SMYD3: variants seen among roughly 807,000 people sequenced by gnomAD.
The protein encoded by SMYD3 is SET and MYND domain containing 3, also known as histone-lysine N-methyltransferase SMYD3.
Under a neutral mutation model 57.7 loss-of-function variants are expected in SMYD3, and 36 were observed. The observed-to-expected ratio is 0.62, with a 90% CI of 0.48 to 0.82. The LOEUF is 0.82. SMYD3 is among the 40% of genes least tolerant of loss of function. The probability of loss-of-function intolerance (pLI) is 0.00; values close to 1 mark genes in which losing one functional copy is unlikely to be tolerated. For missense variants in SMYD3, 515 were observed against 538.8 expected (o/e 0.96, Z 0.44); for synonymous variants, 211 against 195.0 (o/e 1.08, Z -0.68).
chr1:246,194,426 G>A (rs1375591009), intron 5 of SMYD3, among the ~76,000 whole-genome samples: 1 of 152,072 alleles, frequency 6.6e-6, no homozygotes. Context: ...GTGCCATCAT[G>A]CCCGGCTAAT....
In SMYD3 at chr1:245,764,115, C is replaced by G; in HGVS notation, c.1111G>C (p.Val371Leu). ...AGTTTGCCAACTTTCATCACTTGAA[C>G]CCCTCTGACGGGATGGCTTCCTGGG... ...FFPGSHPVRG[V>L]QVMKVGKLQL... The change falls in exon 11 of 12, where the codon GTT (valine) becomes CTT (leucine). Residue 371 changes from valine to leucine, a missense_variant. Transcript: ENST00000490107. 1.2e-6 allele frequency: 2 copies of G among 1,614,094 alleles called. No homozygotes were observed. Among genetic ancestry groups the G allele is most frequent in the South Asian group, 1.1e-5 (1 of 91,064 alleles).
At chr1:246,083,738 A>T (rs1572996243) in intron 5 of SMYD3, among the ~76,000 whole-genome samples, 1 of 152,074 alleles carries the variant, frequency 6.6e-6, no homozygotes, top group Admixed American at 6.5e-5. Flanking sequence ...TCTCACCTAC[A>T]ATTCAGGTAA....
chr1:246,355,188 C>G lies in SMYD3; in HGVS notation c.165-94G>C, dbSNP rs926102736. ...AAACATAAGTCAACATACGGACACC[C>G]GTATGTTCTGTTTACTCCATTATGT... On this transcript the variant is annotated intron_variant, in intron 1 of 11. Transcript: ENST00000490107. The surrounding 1 kb of genome is among the most constrained non-coding windows in gnomAD (Gnocchi z 5.0). 7 of 1,247,040 alleles carry G rather than the reference C, an allele frequency of 5.6e-6. No individual in the cohort carries two copies. Among genetic ancestry groups the G allele is most frequent in the African/African-American group, 1.5e-5 (1 of 67,068 alleles). The allele number at this position is 1,247,040 out of a possible 1,614,324, so 77.2% of individuals were successfully genotyped here.
intron 5 of SMYD3, among the ~76,000 whole-genome samples, chr1:246,030,760 C>T (rs1332311820): frequency 6.6e-6 from 1 of 152,178 alleles, no homozygotes; most frequent in Admixed American, 6.5e-5. Flanking sequence ...CAAACCCGCA[C>T]ACAAATTACG....
rs557223403 is a variant in SMYD3, at chr1:245,910,191, A to G, written c.813+5339T>C. The stretch of plus-strand genomic sequence containing the variant: ...CATCTGAAAACAAATAAAGAAAGCA[A>G]TCCCATTTGCAACAGCTACAATAAA... On this transcript the variant is annotated intron_variant, in intron 8 of 11. Coordinates refer to ENST00000490107, the MANE Select transcript of SMYD3 (RefSeq NM_001167740.2). 7.9e-5 allele frequency among the ~76,000 whole-genome samples: 12 copies of G among 152,294 alleles called. No homozygotes were observed. In the South Asian group the frequency reaches 2.1e-3, roughly 26 times the overall value.
intron 10 of SMYD3, among the ~76,000 whole-genome samples, chr1:245,829,885 A>G (rs1253060704): frequency 3.3e-5 from 5 of 152,208 alleles, no homozygotes; most frequent in Non-Finnish European, 7.3e-5. Context: ...AATATTTTAT[A>G]ATTCCATTTA....
intron 10 of SMYD3, among the ~76,000 whole-genome samples, chr1:245,847,462 G>A (rs1303269911): frequency 6.6e-6 from 1 of 152,188 alleles, no homozygotes; most frequent in Non-Finnish European, 1.5e-5. Flanking sequence ...TATGAAGTGT[G>A]TCCTTTACAT....
intron 5 of SMYD3, among the ~76,000 whole-genome samples, chr1:246,029,964 T>A (rs551274156): frequency 6.7e-6 from 1 of 150,102 alleles, no homozygotes; most frequent in East Asian, 2.0e-4. Flanking sequence ...AGAACTACCA[T>A]AGGATCCAGC....
intron 5 of SMYD3, among the ~76,000 whole-genome samples, chr1:246,310,659 G>T: frequency 7.5e-6 from 1 of 133,810 alleles, no homozygotes; most frequent in African/African-American, 2.8e-5. Flanking sequence ...CAAAGAGTAA[G>T]GCTTTTTTTT....
intron 1 of SMYD3, among the ~76,000 whole-genome samples, chr1:246,496,551 G>A (rs1376414643): frequency 6.6e-6 from 1 of 152,164 alleles, no homozygotes; most frequent in Non-Finnish European, 1.5e-5. Context: ...GTATTGGCCA[G>A]ATGCGGTAGC....
intron 5 of SMYD3, among the ~76,000 whole-genome samples, chr1:245,936,659 C>A (rs1294212277): frequency 6.6e-6 from 1 of 152,154 alleles, no homozygotes; most frequent in Non-Finnish European, 1.5e-5. Context: ...CTTTGGGAGG[C>A]CAAGGCAAGT....
Position 246,327,305 on chromosome 1 carries a change from C to T in SMYD3, c.427G>A (p.Gly143Ser), listed in dbSNP as rs2065372094. 1 of 1,613,474 alleles carries T rather than the reference C, an allele frequency of 6.2e-7. No individual in the cohort carries two copies. The highest frequency in any genetic ancestry group is 8.5e-7 in the Non-Finnish European group (1 of 1,179,778). ...INKLTEDKKE[G>S]LRQLVMTFQH... Reference sequence around the variant, plus strand: ...AATGTCATTACGAGTTGCCTGAGGCCCTCTTTCTTATCTTCAGTCAGTTTG... The same window carrying T: ...AATGTCATTACGAGTTGCCTGAGGCTCTCTTTCTTATCTTCAGTCAGTTTG... The change falls in exon 5 of 12, where the codon GGC becomes AGC. Residue 143 changes from glycine to serine, a missense_variant. Transcript: ENST00000490107.
chr1:246,103,157 A>C (rs1330500534), intron 5 of SMYD3, among the ~76,000 whole-genome samples: 1 of 152,240 alleles, frequency 6.6e-6, no homozygotes, highest in Admixed American at 6.5e-5. Flanking sequence ...TAGGGAGTTC[A>C]AACATGAGAA....
intron 1 of SMYD3, among the ~76,000 whole-genome samples, chr1:246,469,007 G>A (rs527498961): frequency 1.3e-5 from 2 of 152,210 alleles, no homozygotes; most frequent in East Asian, 1.9e-4. Context: ...GCCTTTTCAC[G>A]CTAAACCCAG....
At chr1:246,496,047 T>A (rs1171965372) in intron 1 of SMYD3, among the ~76,000 whole-genome samples, 1 of 152,014 alleles carries the variant, frequency 6.6e-6, no homozygotes, top group African/African-American at 2.4e-5. Flanking sequence ...TTGTTGTTGT[T>A]ATTGTTTTGA....
intron 8 of SMYD3, among the ~76,000 whole-genome samples, chr1:245,903,923 G>A (rs1389229059): frequency 6.6e-6 from 1 of 152,202 alleles, no homozygotes; most frequent in South Asian, 2.1e-4. Flanking sequence ...GAAAGTCTCT[G>A]AGATGCCCTA....
At chr1:246,117,289 G>A (rs2061355407) in intron 5 of SMYD3, among the ~76,000 whole-genome samples, 1 of 152,098 alleles carries the variant, frequency 6.6e-6, no homozygotes, top group Admixed American at 6.5e-5. Flanking sequence ...TCATTTCCTT[G>A]TAGTGTATTT....
chr1:246,153,109 A>T (rs928153580), intron 5 of SMYD3, among the ~76,000 whole-genome samples: 4 of 152,108 alleles, frequency 2.6e-5, no homozygotes, highest in African/African-American at 9.7e-5. Flanking sequence ...TGTCTACTCA[A>T]GCACCAAGCC....
intron 5 of SMYD3, among the ~76,000 whole-genome samples, chr1:246,187,196 G>A (rs2062654893): frequency 6.6e-6 from 1 of 152,032 alleles, no homozygotes; most frequent in Non-Finnish European, 1.5e-5. Context: ...GGCTGAGGCA[G>A]GAGAATGGTG....
Sources: allele counts gnomAD v4.1 joint callset (sites outside exome capture counted in the v4.1 genomes callset), GRCh38; gene constraint gnomAD v4.1.1; non-coding constraint Gnocchi (gnomAD v3.1); transcripts MANE v1.5; gene names NCBI Gene and HGNC (gene_info 2026-07-23, HGNC 2026-07-21).